Variants in ATP6V1C2 observed in about 807,000 individuals in gnomAD.
ATP6V1C2 encodes the protein ATPase H+ transporting V1 subunit C2.
In ATP6V1C2, 45 loss-of-function variants were observed where a neutral mutation model predicts 56.8. The ratio of observed to expected loss-of-function variants is 0.79; its 90% CI spans 0.62 to 1.02. ATP6V1C2 has a LOEUF of 1.02. Among genes scored for constraint, ATP6V1C2 ranks in the 50% least tolerant of loss-of-function variants. The pLI is 0.00. For missense variants in ATP6V1C2, 463 were observed against 519.7 expected (o/e 0.89, Z 1.06); for synonymous variants, 220 against 201.3 (o/e 1.09, Z -0.79).
Position 10,774,988 on chromosome 2 carries a change from C to A in ATP6V1C2, c.742C>A (p.Arg248Ser). 1 of 1,613,766 alleles carries A rather than the reference C, an allele frequency of 6.2e-7. No homozygotes were observed. Among genetic ancestry groups the A allele is most frequent in the Non-Finnish European group, 8.5e-7 (1 of 1,179,750 alleles). Residue 248 changes from arginine (R) to serine (S), a missense_variant, in exon 10 of 14, where the codon CGT becomes AGT. Transcript: ENST00000272238. ...TKAKENKFTV[R>S]EFYYDEKEIE... ...TTTGCTTGTTTTAAGGTTCACTGTTCGTGAATTTTACTATGATGAGAAGGA... is the reference window on the plus strand; with the variant it reads ...TTTGCTTGTTTTAAGGTTCACTGTTAGTGAATTTTACTATGATGAGAAGGA...
chr2:10,767,453 C>A (rs1345719427), intron 5 of ATP6V1C2, among the ~76,000 whole-genome samples: 2 of 151,130 alleles, frequency 1.3e-5, no homozygotes, highest in Non-Finnish European at 3.0e-5. Flanking sequence ...ATGTGCCTGG[C>A]CCATTTTATT....
At chr2:10,762,145 A>ATTT (rs569224455) in intron 4 of ATP6V1C2, among the ~76,000 whole-genome samples, 2,991 of 139,720 alleles carry the variant, frequency 0.021, 101 homozygotes, top group African/African-American at 0.076. Context: ...TGAAGCATAA[A>ATTT]TTTTTTTTTT....
At chr2:10,723,837 C>CAAAAAAA (rs145669254) in intron 2 of ATP6V1C2, among the ~76,000 whole-genome samples, 1 of 122,942 alleles carries the variant, frequency 8.1e-6, no homozygotes, top group Admixed American at 8.2e-5. Context: ...GACTCTGTCT[C>CAAAAAAA]AAAAAAAAAA....
At chr2:10,745,329 T>C (rs1004030107) in intron 3 of ATP6V1C2, among the ~76,000 whole-genome samples, 1 of 149,218 alleles carries the variant, frequency 6.7e-6, no homozygotes, top group Non-Finnish European at 1.5e-5. Context: ...TGAGCCACTG[T>C]GCCCAGCCTA....
At chr2:10,774,570 G>A (rs973258750) in intron 8 of ATP6V1C2, among the ~76,000 whole-genome samples, 6 of 152,194 alleles carry the variant, frequency 3.9e-5, no homozygotes, top group African/African-American at 7.2e-5. Flanking sequence ...CCTGCACCCC[G>A]AGGCCCCCTG....
intron 5 of ATP6V1C2, among the ~76,000 whole-genome samples, chr2:10,766,924 G>A (rs368795327): frequency 4.6e-5 from 7 of 152,204 alleles, no homozygotes; most frequent in South Asian, 2.1e-4. Context: ...TGTATAGTGA[G>A]CTGTGGGAAA....
intron 3 of ATP6V1C2, among the ~76,000 whole-genome samples, chr2:10,730,957 A>AT (rs201132896): frequency 0.019 from 2,487 of 130,834 alleles, 64 homozygotes; most frequent in African/African-American, 0.068. Context: ...CCTGCCAACA[A>AT]TTTTTTTTTT....
intron 8 of ATP6V1C2, 114 bp downstream of exon 8, chr2:10,772,724 C>G (rs940489247): frequency 1.0e-5 from 9 of 902,046 alleles, no homozygotes; most frequent in Admixed American, 3.5e-5. Flanking sequence ...CTTTCCACAC[C>G]TGGGCCCTCT....
intron 3 of ATP6V1C2, among the ~76,000 whole-genome samples, chr2:10,734,305 C>CA (rs1382659635): frequency 6.6e-6 from 1 of 152,144 alleles, no homozygotes; most frequent in African/African-American, 2.4e-5. Flanking sequence ...CACCTCTTCC[C>CA]ACACCCTCTA....
Position 10,726,522 on chromosome 2 carries a change from G to A in ATP6V1C2, c.150G>A (p.Leu50=), listed in dbSNP as rs1428464277. 1.9e-6 allele frequency: 3 copies of A among 1,613,972 alleles called. No individual in the cohort carries two copies. The highest frequency in any genetic ancestry group is 2.2e-5 in the South Asian group (2 of 91,064). Residue 50 remains leucine, a synonymous_variant, in exon 3 of 14, where the codon CTG becomes CTA. Transcript: ENST00000272238. ...PDFKVGTLDS[L]VGLSDELGKL... Reference sequence around the variant, plus strand: ...TCTAGGTGGGGACCTTGGATTCCCTGGTTGGCCTCTCTGATGAGTTGGGGA... The same window carrying A: ...TCTAGGTGGGGACCTTGGATTCCCTAGTTGGCCTCTCTGATGAGTTGGGGA...
intron 4 of ATP6V1C2, among the ~76,000 whole-genome samples, chr2:10,755,419 C>T (rs1663496822): frequency 2.0e-5 from 3 of 151,992 alleles, no homozygotes; most frequent in Admixed American, 6.6e-5. Flanking sequence ...TGGGCTCAAG[C>T]GATCCTCCTG....
intron 3 of ATP6V1C2, among the ~76,000 whole-genome samples, chr2:10,733,750 T>G (rs1329314174): frequency 6.6e-6 from 1 of 152,086 alleles, no homozygotes; most frequent in Admixed American, 6.5e-5. Flanking sequence ...GCTGGGGCGG[T>G]CAGCGGGACC....
At chr2:10,769,187 G>A (rs896956975) in intron 6 of ATP6V1C2, among the ~76,000 whole-genome samples, 2 of 152,332 alleles carry the variant, frequency 1.3e-5, no homozygotes, top group Middle Eastern at 3.4e-3. Flanking sequence ...GTTGCAAAGC[G>A]CAGCAGGGTG....
intron 3 of ATP6V1C2, among the ~76,000 whole-genome samples, chr2:10,727,814 G>A (rs150599286): frequency 6.6e-5 from 10 of 151,396 alleles, no homozygotes; most frequent in African/African-American, 2.4e-4. Flanking sequence ...CAGGAGAATC[G>A]CTTGAGCGGG....
intron 3 of ATP6V1C2, among the ~76,000 whole-genome samples, chr2:10,751,054 T>C (rs1663186607): frequency 2.6e-5 from 4 of 152,206 alleles, no homozygotes; most frequent in Admixed American, 1.3e-4. Flanking sequence ...TAACAGAAGA[T>C]GCACTTGCAA....
intron 6 of ATP6V1C2, chr2:10,769,959 C>T (rs575319731): frequency 6.6e-6 from 1 of 152,244 alleles, no homozygotes; most frequent in Non-Finnish European, 1.5e-5. Context: ...CTGCCCTCCC[C>T]CTGATTGGCC....
At position 10,780,076 on chromosome 2, in the gene ATP6V1C2, G is replaced by A. The variant is rs536366159; in HGVS notation, c.1061+1407G>A. Among the ~76,000 whole-genome samples, 13 of 151,856 alleles carry A rather than the reference G, an allele frequency of 8.6e-5. No individual in the cohort carries two copies. The highest frequency in any genetic ancestry group is 6.6e-4 in the Admixed American group (10 of 15,256). ...GAGGAGCTCCTCATCCCTCCCTGCC[G>A]TCCCCCTGGCTGATGTCCCCTACTT... On this transcript the variant is annotated intron_variant, in intron 12 of 13. Coordinates refer to ENST00000272238, the MANE Select transcript of ATP6V1C2 (RefSeq NM_001039362.2). This position sits in a 1 kb window ranked among gnomAD's most constrained non-coding sequence, Gnocchi z 4.1.
intron 4 of ATP6V1C2, among the ~76,000 whole-genome samples, chr2:10,755,052 G>A (rs918027037): frequency 2.0e-5 from 3 of 151,272 alleles, no homozygotes; most frequent in Admixed American, 6.6e-5. Context: ...AGTTTTTCTC[G>A]TGTTGCCCAG....
At chr2:10,767,447 G>A (rs761608723) in intron 5 of ATP6V1C2, among the ~76,000 whole-genome samples, 1 of 151,520 alleles carries the variant, frequency 6.6e-6, no homozygotes, top group Non-Finnish European at 1.5e-5. Context: ...TCAGACATGT[G>A]CCTGGCCCAT....
Sources: allele counts gnomAD v4.1 joint callset (sites outside exome capture counted in the v4.1 genomes callset), GRCh38; gene constraint gnomAD v4.1.1; non-coding constraint Gnocchi (gnomAD v3.1); transcripts MANE v1.5; gene names NCBI Gene and HGNC (gene_info 2026-07-23, HGNC 2026-07-21).